Variants in EPHA6 observed in about 807,000 individuals in gnomAD.
EPHA6 encodes the protein ephrin type-A receptor 6.
Under a neutral mutation model 112.0 loss-of-function variants are expected in EPHA6, and 50 were observed. The observed-to-expected ratio is 0.45, with a 90% CI of 0.36 to 0.56. The LOEUF is 0.56. Ranked by LOEUF, EPHA6 falls within the 20% of genes least tolerant of loss-of-function variation. The pLI, the probability that EPHA6 is intolerant of heterozygous loss-of-function variation, is 0.00. For synonymous variants in EPHA6, 529 were observed against 490.7 expected (o/e 1.08, Z -1.03); for missense variants, 1,280 against 1,417.4 (o/e 0.90, Z 1.56).
chr3:97,306,666 T>C (rs2081333605), intron 5 of EPHA6, among the ~76,000 whole-genome samples: 1 of 151,906 alleles, frequency 6.6e-6, no homozygotes, highest in African/African-American at 2.4e-5. Context: ...GAGAAGTTTC[T>C]CACAGTAGTT....
chr3:97,098,802 T>C (rs561706775), intron 3 of EPHA6, among the ~76,000 whole-genome samples: 2 of 152,012 alleles, frequency 1.3e-5, no homozygotes, highest in East Asian at 3.9e-4. Context: ...GTAATTGTTA[T>C]GCTGCTGTGT....
chr3:97,010,202 T>C (rs993690866), intron 3 of EPHA6: 5 of 677,856 alleles, frequency 7.4e-6, no homozygotes, highest in African/African-American at 1.9e-5. Flanking sequence ...ATATGGGTTC[T>C]GGTCAATCAA....
chr3:97,758,434 T>TA lies in EPHA6; in HGVS notation c.*9734dup, dbSNP rs1226539324. Reference sequence around the variant, plus strand: ...TGTATAATTCCTAAATTTTCATATATATACATATACTGACATACCTTTAAA... The same window carrying TA: ...TGTATAATTCCTAAATTTTCATATATAATACATATACTGACATACCTTTAAA... On this transcript the variant is annotated 3_prime_UTR_variant, in exon 18 of 18. Transcript: ENST00000389672. Among the ~76,000 whole-genome samples, 1 of 151,948 alleles carries TA rather than the reference T, an allele frequency of 6.6e-6. No individual in the cohort carries two copies. Among genetic ancestry groups the TA allele is most frequent in the Non-Finnish European group, 1.5e-5 (1 of 67,832 alleles).
At chr3:97,478,515 C>A (rs866705679) in intron 8 of EPHA6, among the ~76,000 whole-genome samples, 4 of 151,942 alleles carry the variant, frequency 2.6e-5, no homozygotes, top group Non-Finnish European at 4.4e-5. Flanking sequence ...TCTATGTTTG[C>A]CAATTTATAT....
rs530964824 is a variant in EPHA6, at chr3:97,168,260, A to G, written c.1115-58004A>G. 7.2e-5 allele frequency among the ~76,000 whole-genome samples: 11 copies of G among 152,296 alleles called. 1 individual carries two copies. The highest frequency in any genetic ancestry group is 2.6e-4 in the African/African-American group (11 of 41,572). On this transcript the variant is annotated intron_variant, in intron 3 of 17. Transcript: ENST00000389672. Reference sequence around the variant, plus strand: ...CTTTTTCATTCTCAACAACGATTCTAACTCTACAGTTATTTATTCTATAAC... The same window carrying G: ...CTTTTTCATTCTCAACAACGATTCTGACTCTACAGTTATTTATTCTATAAC...
chr3:96,860,299 C>T (rs2035935879), intron 1 of EPHA6, among the ~76,000 whole-genome samples: 1 of 151,998 alleles, frequency 6.6e-6, no homozygotes, highest in Non-Finnish European at 1.5e-5. Flanking sequence ...CTTTCATTCT[C>T]ATAATTTTTT....
chr3:96,871,103 T>C (rs1398437588), intron 2 of EPHA6, among the ~76,000 whole-genome samples: 1 of 152,070 alleles, frequency 6.6e-6, no homozygotes, highest in Non-Finnish European at 1.5e-5. Flanking sequence ...CTTCACAACA[T>C]ATATGGTAAT....
chr3:97,005,996 A>G (rs2107922921), intron 3 of EPHA6, among the ~76,000 whole-genome samples: 1 of 152,194 alleles, frequency 6.6e-6, no homozygotes, highest in South Asian at 2.1e-4. Context: ...GAGTTTGTTG[A>G]TGTGCTGCTG....
chr3:97,760,497 A>G lies in EPHA6; in HGVS notation c.*11796A>G, dbSNP rs1199143540. ...GATTTGATGTGAAATTAGATTGTGA[A>G]TAATGGAGATTGCTCTCCATTTTTT... On this transcript the variant is annotated 3_prime_UTR_variant, in exon 18 of 18. Coordinates refer to ENST00000389672, the MANE Select transcript of EPHA6 (RefSeq NM_001080448.3). 5.6e-6 allele frequency: 1 copy of G among 177,830 alleles called. No individual in the cohort carries two copies. The highest frequency in any genetic ancestry group is 1.2e-5 in the Non-Finnish European group (1 of 82,796). 11.0% of individuals were successfully genotyped at this position (177,830 alleles called of 1,614,324 possible).
intron 11 of EPHA6, among the ~76,000 whole-genome samples, chr3:97,568,707 C>T (rs1002963980): frequency 6.6e-6 from 1 of 152,146 alleles, no homozygotes; most frequent in Non-Finnish European, 1.5e-5. Flanking sequence ...CAAATATCTA[C>T]TGTTACAAGA....
intron 11 of EPHA6, among the ~76,000 whole-genome samples, chr3:97,543,850 T>A (rs1198102632): frequency 6.6e-6 from 1 of 152,160 alleles, no homozygotes; most frequent in Non-Finnish European, 1.5e-5. Flanking sequence ...TTATTCTCTT[T>A]GAAGCAATTG....
chr3:97,130,288 A>G (rs2048304349), intron 3 of EPHA6, among the ~76,000 whole-genome samples: 1 of 150,130 alleles, frequency 6.7e-6, no homozygotes, highest in Admixed American at 6.6e-5. Context: ...CTTTTTCTTC[A>G]TTTTTTCTCT....
chr3:96,871,123 A>G (rs1215573958), intron 2 of EPHA6, among the ~76,000 whole-genome samples: 1 of 151,986 alleles, frequency 6.6e-6, no homozygotes, highest in Non-Finnish European at 1.5e-5. Flanking sequence ...TGTTCTAAAC[A>G]CCCGTCATGT....
intron 3 of EPHA6, among the ~76,000 whole-genome samples, chr3:97,174,549 G>T (rs943808354): frequency 1.9e-4 from 29 of 151,522 alleles, no homozygotes; most frequent in African/African-American, 5.3e-4. Flanking sequence ...CCACATCCTT[G>T]CCAACATTTG....
chr3:97,565,476 G>A (rs1195933024), intron 11 of EPHA6, among the ~76,000 whole-genome samples: 1 of 152,104 alleles, frequency 6.6e-6, no homozygotes, highest in Non-Finnish European at 1.5e-5. Flanking sequence ...ATATCAAAAT[G>A]TACCTTGAGT....
chr3:97,411,044 G>C (rs1260263948), intron 6 of EPHA6, among the ~76,000 whole-genome samples: 4 of 151,172 alleles, frequency 2.6e-5, no homozygotes, highest in Admixed American at 2.0e-4. Context: ...AGTGGAATCA[G>C]CAAGTTTTTT....
chr3:97,058,236 A>G (rs2045911437), intron 3 of EPHA6, among the ~76,000 whole-genome samples: 1 of 152,092 alleles, frequency 6.6e-6, no homozygotes, highest in Non-Finnish European at 1.5e-5. Flanking sequence ...AAAGCCAACC[A>G]GTGCTTTTTA....
intron 3 of EPHA6, among the ~76,000 whole-genome samples, chr3:97,049,811 A>G (rs1008972133): frequency 5.9e-5 from 9 of 152,134 alleles, no homozygotes; most frequent in Non-Finnish European, 8.8e-5. Context: ...CGGAGAACTG[A>G]TAGAATGAGA....
intron 11 of EPHA6, among the ~76,000 whole-genome samples, chr3:97,558,007 T>G (rs1178177796): frequency 6.6e-6 from 1 of 151,964 alleles, no homozygotes; most frequent in Non-Finnish European, 1.5e-5. Context: ...TAACTTTTCT[T>G]TGTAGACACA....
Sources: allele counts gnomAD v4.1 joint callset (sites outside exome capture counted in the v4.1 genomes callset), GRCh38; gene constraint gnomAD v4.1.1; transcripts MANE v1.5; gene names NCBI Gene and HGNC (gene_info 2026-07-23, HGNC 2026-07-21).